The following AAK1 variants were observed in gnomAD, a reference collection of about 807,000 sequenced individuals.
The protein encoded by AAK1 is AP2-associated protein kinase 1.
In AAK1, 37 loss-of-function variants were observed where a neutral mutation model predicts 116.0. That is an observed-to-expected ratio of 0.32 (90% CI 0.25 to 0.42). The LOEUF is 0.42. Ranked by LOEUF, AAK1 falls within the 10% of genes least tolerant of loss-of-function variation. The pLI, the probability that AAK1 is intolerant of heterozygous loss-of-function variation, is 1.00. For synonymous variants in AAK1, 458 were observed against 439.9 expected, an observed-to-expected ratio of 1.04 and a Z score of -0.51; for missense variants, 919 against 1,170.6, an observed-to-expected ratio of 0.79 and a Z score of 3.14.
chr2:69,541,357 A>G (rs1413916696), intron 5 of AAK1, among the ~76,000 whole-genome samples: 2 of 150,258 alleles, frequency 1.3e-5, no homozygotes, highest in Admixed American at 6.7e-5. Flanking sequence ...CCGCCTCCTG[A>G]GTACCTGGGA....
chr2:69,527,044 G>A lies in AAK1; in HGVS notation c.975+172C>T, dbSNP rs143769518. On this transcript the variant is annotated intron_variant, in intron 9 of 21. Coordinates refer to ENST00000409085, the MANE Select transcript of AAK1 (RefSeq NM_014911.5). ...TTCAGTTTTATAATTAAATTCCATGGGAAAACTGGATTCCCTTTATGGCAA... is the reference window on the plus strand; with the variant it reads ...TTCAGTTTTATAATTAAATTCCATGAGAAAACTGGATTCCCTTTATGGCAA... Among the ~76,000 whole-genome samples the A allele has an allele frequency of 2.1e-3, 322 of 152,180 alleles. 2 individuals are homozygous for A. The highest frequency in any genetic ancestry group is 7.2e-3 in the African/African-American group (298 of 41,500).
At chr2:69,501,955 A>T (rs1247475970) in intron 16 of AAK1, among the ~76,000 whole-genome samples, 5 of 152,076 alleles carry the variant, frequency 3.3e-5, no homozygotes, top group Non-Finnish European at 7.4e-5. Flanking sequence ...TAGGCAACAG[A>T]GCGAGACACC....
chr2:69,513,105 T>C (rs1009184719), intron 13 of AAK1, among the ~76,000 whole-genome samples: 1 of 152,200 alleles, frequency 6.6e-6, no homozygotes, highest in African/African-American at 2.4e-5. Flanking sequence ...GAAGAGGAAC[T>C]TTACCTCTTG....
rs547965943 is a variant in AAK1 at position 69,554,081 on chromosome 2, A to G, written c.282+2779T>C. On this transcript the variant is annotated intron_variant, in intron 3 of 21. Coordinates refer to ENST00000409085, the MANE Select transcript of AAK1 (RefSeq NM_014911.5). ...AACTGAGACCCCATCTCAAAAGAGA[A>G]AAAAAAAAAGATACTGGAGGATCGG... Among the ~76,000 whole-genome samples the G allele has an allele frequency of 4.7e-5, 7 of 150,452 alleles. No individual in the cohort carries two copies. In the East Asian group the frequency reaches 1.4e-3, roughly 29 times the overall value.
rs1455472382 is a variant in AAK1 at position 69,466,279 on chromosome 2, C to T, written c.*9590G>A. 3 of 1,289,618 alleles carry T rather than the reference C, an allele frequency of 2.3e-6. No individual in the cohort carries two copies. Among genetic ancestry groups the T allele is most frequent in the African/African-American group, 3.0e-5 (2 of 65,846 alleles). 79.9% of individuals were successfully genotyped at this position (1,289,618 alleles called of 1,614,324 possible). Reference sequence around the variant, plus strand: ...TTCCCCGGGGGGGGTCTGCAGCTCTCATCTTCTTCTTCAGACTCCATAAGG... The same window carrying T: ...TTCCCCGGGGGGGGTCTGCAGCTCTTATCTTCTTCTTCAGACTCCATAAGG... On this transcript the variant is annotated 3_prime_UTR_variant, in exon 22 of 22. Transcript: ENST00000409085.
Position 69,632,627 on chromosome 2 carries a change from G to A in AAK1, c.163+10251C>T, listed in dbSNP as rs571299661. On this transcript the variant is annotated intron_variant, in intron 2 of 21. Transcript: ENST00000409085. Reference sequence around the variant, plus strand: ...GAATCAATGAACTAGCGCCAGGCGCGATGGCTCACGCCTGTAATCCCAACA... The same window carrying A: ...GAATCAATGAACTAGCGCCAGGCGCAATGGCTCACGCCTGTAATCCCAACA... 7.2e-5 allele frequency among the ~76,000 whole-genome samples: 11 copies of A among 152,358 alleles called. No homozygotes were observed. In the East Asian group the frequency reaches 1.7e-3, roughly 24 times the overall value.
In AAK1 at chr2:69,461,679, C is replaced by G; in HGVS notation, c.*14190G>C. On this transcript the variant is annotated 3_prime_UTR_variant, in exon 22 of 22. Transcript: ENST00000409085. ...ACACAATCTTGGCTCACTGCAAAGT[C>G]TGCCTCCCTGGGTCAAGCAATTCTG... The G allele has an allele frequency of 4.6e-6, 2 of 432,742 alleles. No individual in the cohort carries two copies. The highest frequency in any genetic ancestry group is 9.2e-6 in the Non-Finnish European group (2 of 216,550). 26.8% of individuals were successfully genotyped at this position (432,742 alleles called of 1,614,324 possible). A position where few individuals can be genotyped will look rare whatever the true frequency, so the allele number is the denominator to read the frequency against.
chr2:69,500,397 G>A (rs1415840114), intron 16 of AAK1: 2 of 151,914 alleles, frequency 1.3e-5, no homozygotes, highest in Admixed American at 1.3e-4. Context: ...GTTTGTAAAA[G>A]CTTAGTGTTG....
chr2:69,508,405 T>C (rs982205129), intron 14 of AAK1, among the ~76,000 whole-genome samples: 2 of 152,222 alleles, frequency 1.3e-5, no homozygotes, highest in African/African-American at 2.4e-5. Context: ...TTATAAAGTC[T>C]CTCTTAACTT....
At chr2:69,517,977 C>T (rs1266005544) in intron 12 of AAK1, among the ~76,000 whole-genome samples, 1 of 151,994 alleles carries the variant, frequency 6.6e-6, no homozygotes, top group Non-Finnish European at 1.5e-5. Flanking sequence ...TAAAAATTAG[C>T]CAGGCATGGT....
intron 2 of AAK1, chr2:69,599,007 T>C: frequency 3.0e-6 from 1 of 333,818 alleles, no homozygotes; most frequent in Non-Finnish European, 5.9e-6. Context: ...GTGGAAAGTG[T>C]TAAAGTTGTA....
Position 69,514,632 on chromosome 2 carries a change from G to A in AAK1, c.1615C>T (p.Gln539Ter). Residue 539 changes from glutamine (Q) to a stop codon, truncating the protein, a stop_gained, in exon 13 of 22, where the codon CAA becomes TAA. Transcript: ENST00000409085. LOFTEE classifies it high-confidence loss of function. ...QNFYQQQQQQ[Q>*]QQQQQQQLAT... ...AGCTGTTGCTGTTGCTGTTGTTGTT[G>A]CTGCTGCTGCTGCTGCTGGTAGAAA... is the stretch of plus-strand genomic sequence containing the variant. 6.8e-7 allele frequency: 1 copy of A among 1,466,432 alleles called. No individual in the cohort carries two copies. Among genetic ancestry groups the A allele is most frequent in the Non-Finnish European group, 9.4e-7 (1 of 1,062,360 alleles). The allele number at this position is 1,466,432 out of a possible 1,614,324, so 90.8% of individuals were successfully genotyped here.
At chr2:69,518,095 C>T (rs780616025) in intron 12 of AAK1, among the ~76,000 whole-genome samples, 4 of 152,060 alleles carry the variant, frequency 2.6e-5, no homozygotes, top group Non-Finnish European at 4.4e-5. Context: ...TCACTCCAGC[C>T]TGGGAAACAG....
intron 17 of AAK1, among the ~76,000 whole-genome samples, chr2:69,484,187 G>A (rs1482653038): frequency 6.6e-6 from 1 of 152,172 alleles, no homozygotes; most frequent in Admixed American, 6.5e-5. Flanking sequence ...TGTATATAAC[G>A]TTGTAATAAA....
chr2:69,643,125 A>C lies in AAK1; in HGVS notation c.-85T>G. 2.1e-6 allele frequency: 3 copies of C among 1,434,160 alleles called. No homozygotes were observed. Among genetic ancestry groups the C allele is most frequent in the South Asian group, 3.1e-5 (2 of 65,214 alleles). 88.8% of individuals were successfully genotyped at this position (1,434,160 alleles called of 1,614,324 possible). A position where few individuals can be genotyped will look rare whatever the true frequency, so the allele number is the denominator to read the frequency against. On this transcript the variant is annotated 5_prime_UTR_variant, in exon 2 of 22. Transcript: ENST00000409085. ...TTTTTTTTTTAAGAAAAGAGATCCA[A>C]GGATTTCTTCTCAGATTTCACCTCG...
At chr2:69,531,743 C>T (rs1670265362) in intron 6 of AAK1, 1 of 1,118,180 alleles carries the variant, frequency 8.9e-7, no homozygotes, top group Non-Finnish European at 1.1e-6. Flanking sequence ...GGTGTGTGCA[C>T]CTCTCAGCTT....
intron 2 of AAK1, among the ~76,000 whole-genome samples, chr2:69,624,022 G>A (rs931761108): frequency 4.6e-5 from 7 of 152,026 alleles, no homozygotes; most frequent in African/African-American, 7.2e-5. Context: ...AAAAAACAGA[G>A]AGGGAGGGAA....
chr2:69,531,561 T>C (rs376489525), intron 6 of AAK1: 1 of 984,648 alleles, frequency 1.0e-6, no homozygotes, highest in Non-Finnish European at 1.2e-6. Flanking sequence ...CATGAAAGTC[T>C]GTGATTCAGT....
At chr2:69,637,627 C>T (rs951653277) in intron 2 of AAK1, among the ~76,000 whole-genome samples, 3 of 152,132 alleles carry the variant, frequency 2.0e-5, no homozygotes, top group African/African-American at 7.2e-5. Context: ...CTTTCAGATG[C>T]GGATGTCACA....
Sources: gnomAD v4.1 joint callset for allele counts (sites outside exome capture counted in the v4.1 genomes callset) on GRCh38, gnomAD v4.1.1 for gene constraint, MANE v1.5 for transcripts, NCBI Gene and HGNC (gene_info 2026-07-23, HGNC 2026-07-21) for gene names.